Variants in RAPGEF1 observed in about 807,000 individuals in gnomAD.
The protein encoded by RAPGEF1 is Rap guanine nucleotide exchange factor 1.
RAPGEF1 carries 33 observed loss-of-function variants against 143.3 expected under a neutral mutation model. The ratio of observed to expected loss-of-function variants is 0.23; its 90% CI spans 0.17 to 0.31. The LOEUF (loss-of-function observed/expected upper bound fraction) is 0.31, where lower values mean the gene tolerates loss of function less well. RAPGEF1 is among the 10% of genes least tolerant of loss of function. The pLI, the probability that RAPGEF1 is intolerant of heterozygous loss-of-function variation, is 1.00. For synonymous variants in RAPGEF1, 629 were observed against 676.5 expected (o/e 0.93, Z 1.09); for missense variants, 1,199 against 1,645.4 (o/e 0.73, Z 4.69).
intron 9 of RAPGEF1, 49 bp downstream of exon 9, chr9:131,627,864 C>T (rs1232893736): frequency 6.5e-7 from 1 of 1,542,926 alleles, no homozygotes; most frequent in Non-Finnish European, 8.7e-7. Flanking sequence ...GTAATGGCCC[C>T]AGAGAAGCCA....
At chr9:131,632,374 G>A (rs1012470790) in intron 5 of RAPGEF1, among the ~76,000 whole-genome samples, 55 of 148,462 alleles carry the variant, frequency 3.7e-4, no homozygotes, top group African/African-American at 1.3e-3. Flanking sequence ...TGATCCGCCC[G>A]CCTCGGCCTC....
chr9:131,592,816 T>A (rs1180877669), intron 17 of RAPGEF1, among the ~76,000 whole-genome samples: 1 of 152,184 alleles, frequency 6.6e-6, no homozygotes, highest in Non-Finnish European at 1.5e-5. Flanking sequence ...AGTGGTGCGA[T>A]CTTGGTTCAC....
In RAPGEF1 at chr9:131,628,553, C is replaced by T. The variant is rs746220458; in HGVS notation, c.1013G>A (p.Arg338Lys). ...SGSSLPVGINRQDFDVDCYAQ... is the reference protein window; with the variant it reads ...SGSSLPVGINKQDFDVDCYAQ... Reference sequence around the variant, plus strand: ...AGGGAACAGGGGCTGCATTACCTGCCTATTGATTCCAACAGGCAAACTGGA... The same window carrying T: ...AGGGAACAGGGGCTGCATTACCTGCTTATTGATTCCAACAGGCAAACTGGA... The change falls in exon 8 of 27, where the codon AGG becomes AAG. Residue 338 changes from arginine to lysine, a missense_variant. Physicochemically the swap from Arg to Lys is conservative, Grantham distance 26 (BLOSUM62 2). Coordinates refer to ENST00000683357, the MANE Select transcript of RAPGEF1 (RefSeq NM_001377935.1). The surrounding 1 kb of genome is among the most constrained non-coding windows in gnomAD (Gnocchi z 5.7). 2 of 1,612,758 alleles carry T rather than the reference C, an allele frequency of 1.2e-6. No homozygotes were observed. Among genetic ancestry groups the T allele is most frequent in the Non-Finnish European group, 1.7e-6 (2 of 1,178,816 alleles).
At chr9:131,723,637 C>T (rs995998783) in intron 1 of RAPGEF1, among the ~76,000 whole-genome samples, 4 of 152,146 alleles carry the variant, frequency 2.6e-5, no homozygotes, top group Non-Finnish European at 5.9e-5. Flanking sequence ...AATAATATTC[C>T]ATGTATGAAC....
At position 131,675,007 on chromosome 9, in the gene RAPGEF1, C is replaced by T. The variant is rs114264706; in HGVS notation, c.62-24058G>A. Reference sequence around the variant, plus strand: ...CAGACTCCTGGGATGTGCAGGGACACTGGGGGGTTCTGGAGGAGCAGCTGG... The same window carrying T: ...CAGACTCCTGGGATGTGCAGGGACATTGGGGGGTTCTGGAGGAGCAGCTGG... On this transcript the variant is annotated intron_variant, in intron 1 of 26. Coordinates refer to ENST00000683357, the MANE Select transcript of RAPGEF1 (RefSeq NM_001377935.1). The surrounding 1 kb of genome is among the most constrained non-coding windows in gnomAD (Gnocchi z 4.6). 9.4e-3 allele frequency among the ~76,000 whole-genome samples: 1,425 copies of T among 152,136 alleles called. 15 individuals carry two copies. Among genetic ancestry groups the T allele is most frequent in the African/African-American group, 0.021 (890 of 41,510 alleles).
At chr9:131,652,531 T>A (rs59122476) in intron 1 of RAPGEF1, among the ~76,000 whole-genome samples, 3,031 of 152,304 alleles carry the variant, frequency 0.02, 98 homozygotes, top group African/African-American at 0.066. Context: ...AATTATTATT[T>A]TTTTTTCACT....
At chr9:131,635,214 A>G (rs2133178562) in intron 5 of RAPGEF1, among the ~76,000 whole-genome samples, 1 of 152,238 alleles carries the variant, frequency 6.6e-6, no homozygotes, top group Admixed American at 6.5e-5. Flanking sequence ...CAGGTACTTT[A>G]TATACTTTAT....
At chr9:131,619,016 C>T (rs772313850) in intron 12 of RAPGEF1, 35 bp downstream of exon 12, 4 of 1,342,710 alleles carry the variant, frequency 3.0e-6, no homozygotes, top group South Asian at 2.4e-5. Context: ...CCTGTTCACG[C>T]GTTTCCAAGT....
At chr9:131,627,213 CAAAAAAA>C (rs10690802) in intron 9 of RAPGEF1, among the ~76,000 whole-genome samples, 2 of 97,416 alleles carry the variant, frequency 2.1e-5, no homozygotes, top group South Asian at 4.2e-4. Flanking sequence ...GGCTCTGTCT[CAAAAAAA>C]AAAAAAAAAA....
intron 1 of RAPGEF1, among the ~76,000 whole-genome samples, chr9:131,729,926 G>T (rs553621415): frequency 6.6e-6 from 1 of 152,176 alleles, no homozygotes; most frequent in East Asian, 1.9e-4. Context: ...TGGGCGCAGT[G>T]GCTCACGCCT....
chr9:131,669,136 G>A (rs1272920057), intron 1 of RAPGEF1, among the ~76,000 whole-genome samples: 2 of 152,242 alleles, frequency 1.3e-5, no homozygotes, highest in Admixed American at 6.5e-5. Flanking sequence ...GGAGGTGGCA[G>A]CAGACGGCCC....
At chr9:131,581,869 G>C (rs1307050948) in intron 25 of RAPGEF1, among the ~76,000 whole-genome samples, 1 of 152,196 alleles carries the variant, frequency 6.6e-6, no homozygotes, top group Non-Finnish European at 1.5e-5. Flanking sequence ...TTAGTGCTCA[G>C]AGCAGGAAGC....
chr9:131,716,641 T>C (rs1173366766), intron 1 of RAPGEF1, among the ~76,000 whole-genome samples: 2 of 152,192 alleles, frequency 1.3e-5, no homozygotes, highest in Admixed American at 6.5e-5. Context: ...CATTGTGTTA[T>C]GTGTGTCTGT....
intron 1 of RAPGEF1, among the ~76,000 whole-genome samples, chr9:131,728,836 T>A (rs1008552523): frequency 1.3e-5 from 2 of 152,222 alleles, no homozygotes; most frequent in Non-Finnish European, 2.9e-5. Flanking sequence ...GAGCACTTCT[T>A]ATGTGTCCAG....
chr9:131,604,384 C>G (rs1464242870), intron 13 of RAPGEF1, among the ~76,000 whole-genome samples: 3 of 152,234 alleles, frequency 2.0e-5, no homozygotes, highest in African/African-American at 7.2e-5. Flanking sequence ...CCGCTGCCTG[C>G]ACTTCCTCTG....
At position 131,587,768 on chromosome 9, in the gene RAPGEF1, C is replaced by T; in HGVS notation, c.3201G>A (p.Gln1067=). 6.2e-7 allele frequency: 1 copy of T among 1,613,796 alleles called. No homozygotes were observed. The highest frequency in any genetic ancestry group is 8.5e-7 in the Non-Finnish European group (1 of 1,179,830). Residue 1067 remains glutamine (Q), a synonymous_variant, in exon 22 of 27, where the codon CAG becomes CAA. Coordinates refer to ENST00000683357, the MANE Select transcript of RAPGEF1 (RefSeq NM_001377935.1). ...QNEEKSPNLT[Q]FTEHFNNMSY... is the part of the protein sequence containing the mutation. The stretch of plus-strand genomic sequence containing the variant: ...ACATGTTGTTGAAGTGCTCCGTGAA[C>T]TGGGTCAAGTTGGGGCTCTTCTCCT...
At chr9:131,582,911 C>A (rs1952092368) in intron 24 of RAPGEF1, among the ~76,000 whole-genome samples, 1 of 152,204 alleles carries the variant, frequency 6.6e-6, no homozygotes, top group South Asian at 2.1e-4. Flanking sequence ...GTCAGCCCAA[C>A]CCCTGGTCAC....
intron 1 of RAPGEF1, among the ~76,000 whole-genome samples, chr9:131,733,170 T>C (rs1837190013): frequency 1.3e-5 from 2 of 152,010 alleles, no homozygotes; most frequent in South Asian, 4.1e-4. Flanking sequence ...TCAAAGAGGC[T>C]TCCCCATTAG....
intron 1 of RAPGEF1, among the ~76,000 whole-genome samples, chr9:131,693,599 C>T (rs939539094): frequency 3.9e-5 from 6 of 152,138 alleles, no homozygotes; most frequent in African/African-American, 1.4e-4. Context: ...CAGTCCTTTT[C>T]TTTCTATAAA....
Sources: gnomAD v4.1 joint callset for allele counts (sites outside exome capture counted in the v4.1 genomes callset) on GRCh38, gnomAD v4.1.1 for gene constraint, Gnocchi (gnomAD v3.1) non-coding constraint, MANE v1.5 for transcripts, NCBI Gene and HGNC (gene_info 2026-07-23, HGNC 2026-07-21) for gene names.